LOC128092252: variants seen among roughly 807,000 people sequenced by gnomAD.
chr15:50,673,290 G>C, the LOC128092252 span, among the ~76,000 whole-genome samples: 20,965 of 151,968 alleles, frequency 0.14, 1,486 homozygotes, highest in Middle Eastern at 0.2. Flanking sequence ...TATTTCCATA[G>C]GTTATTGGAA....
chr15:50,677,738 C>CAAAAAAAAAAAAA, the LOC128092252 span, among the ~76,000 whole-genome samples: 4 of 38,172 alleles, frequency 1.0e-4, no homozygotes, highest in Non-Finnish European at 1.5e-4. Context: ...GACCCCGTAT[C>CAAAAAAAAAAAAA]AAAAAAAAAA....
chr15:50,654,225 C>A, the LOC128092252 span, among the ~76,000 whole-genome samples: 1,216 of 151,792 alleles, frequency 8.0e-3, 15 homozygotes, highest in Middle Eastern at 0.027. Flanking sequence ...GCGGGCGGAT[C>A]ACCTGAGGTC....
the LOC128092252 span, among the ~76,000 whole-genome samples, chr15:50,684,403 A>G: frequency 6.6e-6 from 1 of 152,126 alleles, no homozygotes; most frequent in South Asian, 2.1e-4. Context: ...ACACTTTGGG[A>G]GGTGAGACAG....
chr15:50,651,463 G>A, the LOC128092252 span, among the ~76,000 whole-genome samples: 1 of 151,930 alleles, frequency 6.6e-6, no homozygotes, highest in African/African-American at 2.4e-5. Flanking sequence ...GGCTAACACA[G>A]TGAAACCCCG....
the LOC128092252 span, among the ~76,000 whole-genome samples, chr15:50,649,104 T>C: frequency 2.6e-5 from 4 of 152,110 alleles, no homozygotes; most frequent in African/African-American, 4.8e-5. Context: ...ATCATCTAAA[T>C]TTAACATGAG....
At chr15:50,656,719 T>C in the LOC128092252 span, among the ~76,000 whole-genome samples, 1 of 152,136 alleles carries the variant, frequency 6.6e-6, no homozygotes, top group Admixed American at 6.6e-5. Flanking sequence ...TATGTACTTT[T>C]ATTCCTAGCC....
At chr15:50,679,538 A>ATATTT in the LOC128092252 span, among the ~76,000 whole-genome samples, 33 of 43,892 alleles carry the variant, frequency 7.5e-4, no homozygotes, top group African/African-American at 2.0e-3. Context: ...ATATATATAT[A>ATATTT]TTTTTTTTTT....
chr15:50,661,428 T>TGTCTAC, the LOC128092252 span, among the ~76,000 whole-genome samples: 2 of 152,232 alleles, frequency 1.3e-5, no homozygotes, highest in Non-Finnish European at 2.9e-5. Flanking sequence ...ACAGTCTTAA[T>TGTCTAC]GTATTGAAAC....
the LOC128092252 span, among the ~76,000 whole-genome samples, chr15:50,674,304 G>A: frequency 1.3e-5 from 2 of 151,822 alleles, no homozygotes; most frequent in African/African-American, 4.8e-5. Flanking sequence ...GCTAATTTTT[G>A]TATTTTTAGT....
the LOC128092252 span, chr15:50,686,421 G>A: frequency 1.9e-6 from 3 of 1,572,952 alleles, no homozygotes; most frequent in Non-Finnish European, 2.6e-6. Flanking sequence ...CAATTCGAGG[G>A]TCCTTCGCCG....
At chr15:50,678,621 CTAAT>C in the LOC128092252 span, among the ~76,000 whole-genome samples, 305 of 151,116 alleles carry the variant, frequency 2.0e-3, 3 homozygotes, top group South Asian at 4.8e-3. Context: ...AACTACTCAA[CTAAT>C]TAATAATTAG....
chr15:50,651,067 G>A, the LOC128092252 span, among the ~76,000 whole-genome samples: 2 of 151,948 alleles, frequency 1.3e-5, no homozygotes, highest in East Asian at 3.9e-4. Flanking sequence ...CACGCCTGTA[G>A]TCCAAGCTAC....
At chr15:50,676,389 C>T in the LOC128092252 span, among the ~76,000 whole-genome samples, 1 of 151,840 alleles carries the variant, frequency 6.6e-6, no homozygotes, top group Non-Finnish European at 1.5e-5. Context: ...ATTAGGCTAA[C>T]CATCCCTCAG....
the LOC128092252 span, among the ~76,000 whole-genome samples, chr15:50,663,679 C>T: frequency 2.8e-3 from 431 of 152,262 alleles, 2 homozygotes; most frequent in African/African-American, 9.9e-3. Context: ...ATTTAAAAGA[C>T]AACTAGCTCG....
chr15:50,672,097 C>G, the LOC128092252 span, among the ~76,000 whole-genome samples: 1 of 152,078 alleles, frequency 6.6e-6, no homozygotes, highest in Non-Finnish European at 1.5e-5. Context: ...CACTGTCGCC[C>G]AGGCTGGAGT....
At chr15:50,664,770 G>C in the LOC128092252 span, among the ~76,000 whole-genome samples, 1 of 152,044 alleles carries the variant, frequency 6.6e-6, no homozygotes, top group Admixed American at 6.6e-5. Context: ...AGACCAGCTG[G>C]GTAACACAGT....
the LOC128092252 span, among the ~76,000 whole-genome samples, chr15:50,680,734 T>C: frequency 6.6e-4 from 100 of 152,282 alleles, no homozygotes; most frequent in Middle Eastern, 0.014. Context: ...AAAAAAACCT[T>C]AACTTTTTTA....
At chr15:50,675,586 T>G in the LOC128092252 span, among the ~76,000 whole-genome samples, 1,705 of 152,264 alleles carry the variant, frequency 0.011, 20 homozygotes, top group Admixed American at 0.019. Flanking sequence ...AAAAAAAGTT[T>G]TTATAGTTTT....
chr15:50,664,920 A>G, the LOC128092252 span, among the ~76,000 whole-genome samples: 1 of 152,196 alleles, frequency 6.6e-6, no homozygotes, highest in East Asian at 1.9e-4. Context: ...AGCCAAGATC[A>G]CACCACTGCA....
Sources: gnomAD v4.1 joint callset for allele counts (sites outside exome capture counted in the v4.1 genomes callset) on GRCh38, gnomAD v4.1.1 for gene constraint, MANE v1.5 for transcripts.